SRFBP1: variants seen among roughly 807,000 people sequenced by gnomAD.
SRFBP1 encodes serum response factor-binding protein 1.
SRFBP1 carries 47 observed loss-of-function variants against 45.5 expected under a neutral mutation model. The ratio of observed to expected loss-of-function variants is 1.03; its 90% confidence interval spans 0.82 to 1.32. The LOEUF (loss-of-function observed/expected upper bound fraction) is 1.32, where lower values mean the gene tolerates loss of function less well. SRFBP1 is among the 40% of genes most tolerant of loss of function. The pLI, the probability that SRFBP1 is intolerant of heterozygous loss-of-function variation, is 0.00. For synonymous variants in SRFBP1, 203 were observed against 166.3 expected (o/e 1.22, Z -1.70); for missense variants, 621 against 484.6 (o/e 1.28, Z -2.64).
At chr5:122,021,927 C>G (rs896559982) in intron 6 of SRFBP1, among the ~76,000 whole-genome samples, 7 of 151,834 alleles carry the variant, frequency 4.6e-5, no homozygotes, top group South Asian at 2.1e-4. Context: ...AACTCCTGAC[C>G]TTGTGATCCA....
chr5:122,060,479 C>T (rs1380459918), intron 2 of SRFBP1, among the ~76,000 whole-genome samples: 1 of 151,948 alleles, frequency 6.6e-6, no homozygotes, highest in African/African-American at 2.4e-5. Context: ...CTTACTTGAC[C>T]TCACCTTTTT....
chr5:122,030,566 C>T (rs1429223534), downstream of SRFBP1, among the ~76,000 whole-genome samples: 1 of 151,072 alleles, frequency 6.6e-6, no homozygotes, highest in Non-Finnish European at 1.5e-5. Flanking sequence ...TAAGCTTTTT[C>T]CCAGAGATTG....
At chr5:121,987,154 A>C (rs1319610868) in intron 3 of SRFBP1, among the ~76,000 whole-genome samples, 1 of 152,132 alleles carries the variant, frequency 6.6e-6, no homozygotes, top group Non-Finnish European at 1.5e-5. Context: ...ACGTAGGAGT[A>C]GGATAATGGT....
chr5:122,033,819 G>GTTTTTT (rs1240048813), intron 2 of SRFBP1, among the ~76,000 whole-genome samples: 2 of 114,492 alleles, frequency 1.7e-5, no homozygotes, highest in Non-Finnish European at 3.5e-5. Flanking sequence ...TTTATTTTCA[G>GTTTTTT]TTTTTTTTTT....
chr5:122,065,370 T>C (rs1025092289), intron 2 of SRFBP1: 5 of 152,130 alleles, frequency 3.3e-5, no homozygotes, highest in Admixed American at 6.6e-5. Context: ...CTGGTTAATA[T>C]AGGAAAAATT....
At chr5:122,000,579 C>CG (rs1752842109) in intron 4 of SRFBP1, among the ~76,000 whole-genome samples, 1 of 151,994 alleles carries the variant, frequency 6.6e-6, no homozygotes, top group South Asian at 2.1e-4. Flanking sequence ...GTTGATAGCT[C>CG]TTGTCTTTCT....
At chr5:122,005,680 A>G (rs1167447336) in intron 4 of SRFBP1, among the ~76,000 whole-genome samples, 3 of 152,050 alleles carry the variant, frequency 2.0e-5, no homozygotes, top group African/African-American at 7.2e-5. Flanking sequence ...TGGACTTACT[A>G]CTGCCATTTT....
chr5:121,968,701 A>G (rs1217865622), intron 1 of SRFBP1, among the ~76,000 whole-genome samples: 5 of 152,166 alleles, frequency 3.3e-5, no homozygotes, highest in Admixed American at 3.3e-4. Flanking sequence ...GACTTTTGTT[A>G]AAGTACAGCA....
chr5:122,056,559 A>G (rs1754081190), intron 2 of SRFBP1, among the ~76,000 whole-genome samples: 1 of 152,162 alleles, frequency 6.6e-6, no homozygotes, highest in South Asian at 2.1e-4. Context: ...CAATTTTTCT[A>G]GTTTTGAACC....
chr5:122,078,333 C>T (rs1300315969), downstream of SRFBP1: 2 of 207,164 alleles, frequency 9.7e-6, no homozygotes, highest in Non-Finnish European at 1.9e-5. Context: ...TCTGGCCCGG[C>T]CGCCCCTCAG....
intron 4 of SRFBP1, among the ~76,000 whole-genome samples, chr5:122,016,526 CT>C (rs1449256000): frequency 6.6e-6 from 1 of 152,118 alleles, no homozygotes; most frequent in African/African-American, 2.4e-5. Flanking sequence ...TATCTGAAAT[CT>C]TGTAGGTCCC....
chr5:122,013,456 T>G (rs780594374), intron 4 of SRFBP1, among the ~76,000 whole-genome samples: 9 of 152,034 alleles, frequency 5.9e-5, no homozygotes, highest in Non-Finnish European at 8.8e-5. Context: ...AGTATGAAAG[T>G]TTGACTCATG....
Position 122,035,793 on chromosome 5 carries a change from A to G in SRFBP1, n.311+13386A>G, listed in dbSNP as rs927611161. Reference sequence around the variant, plus strand: ...GAGCCTACCCTTGTTGGACAATGCAATCTACCATAAGCCTTGAGCTTCCAC... The same window carrying G: ...GAGCCTACCCTTGTTGGACAATGCAGTCTACCATAAGCCTTGAGCTTCCAC... On this transcript the variant is annotated intron_variant and non_coding_transcript_variant, in intron 2 of 2. Transcript: ENST00000504881. Among the ~76,000 whole-genome samples the G allele has an allele frequency of 4.6e-5, 7 of 152,228 alleles. No homozygotes were observed. The South Asian group carries it at 1.5e-3, about 32-fold the overall frequency.
intron 4 of SRFBP1, among the ~76,000 whole-genome samples, chr5:122,018,269 G>C (rs1753227196): frequency 6.6e-6 from 1 of 152,296 alleles, no homozygotes; most frequent in South Asian, 2.1e-4. Flanking sequence ...TGACTGTTGA[G>C]AGAGCAAGTT....
At chr5:121,968,883 C>G (rs1752131520) in intron 1 of SRFBP1, among the ~76,000 whole-genome samples, 1 of 140,740 alleles carries the variant, frequency 7.1e-6, no homozygotes, top group African/African-American at 2.9e-5. Flanking sequence ...ACTTTCTTAA[C>G]ACTGCAAGTT....
intron 2 of SRFBP1, among the ~76,000 whole-genome samples, chr5:122,040,966 A>C (rs951132876): frequency 2.0e-5 from 3 of 152,138 alleles, no homozygotes; most frequent in African/African-American, 7.2e-5. Context: ...AAGTTTATAT[A>C]GTTTTCAGCC....
intron 3 of SRFBP1, among the ~76,000 whole-genome samples, chr5:121,979,328 G>A (rs1024183895): frequency 6.6e-6 from 1 of 152,060 alleles, no homozygotes; most frequent in Admixed American, 6.5e-5. Flanking sequence ...GGTTATATAT[G>A]CTTTTTTAAA....
rs1166482651 is a variant in SRFBP1, at chr5:122,001,546, CTTTT to C, written c.270+6899_270+6902del. ...AAGAAGCCAAGTCATCCTTTGGTAT[CTTTT>C]TTTTTTTTTTTTTTTTTTTTTTGAG... On this transcript the variant is annotated intron_variant, in intron 4 of 7. Coordinates refer to ENST00000339397, the MANE Select transcript of SRFBP1 (RefSeq NM_152546.3). Among the ~76,000 whole-genome samples, 234 of 104,866 alleles carry C rather than the reference CTTTT, an allele frequency of 2.2e-3. 1 individual carries two copies. Among genetic ancestry groups the C allele is most frequent in the Non-Finnish European group, 4.0e-3 (203 of 51,258 alleles). 68.8% of individuals were successfully genotyped at this position (104,866 alleles called of 152,430 possible).
chr5:122,009,665 T>C (rs138523463), intron 4 of SRFBP1, among the ~76,000 whole-genome samples: 37 of 152,318 alleles, frequency 2.4e-4, no homozygotes, highest in Non-Finnish European at 4.6e-4. Context: ...TGTGTATGTG[T>C]AGCTCTTTGT....
Sources: allele counts gnomAD v4.1 joint callset (sites outside exome capture counted in the v4.1 genomes callset), GRCh38; gene constraint gnomAD v4.1.1; transcripts MANE v1.5; gene names NCBI Gene and HGNC (gene_info 2026-07-23, HGNC 2026-07-21).